NRXN1: variants seen among roughly 807,000 people sequenced by gnomAD.
The protein encoded by NRXN1 is neurexin 1.
A neutral mutation model predicts 150.9 loss-of-function variants in NRXN1; 39 were observed. The ratio of observed to expected loss-of-function variants is 0.26; its 90% CI spans 0.20 to 0.34. NRXN1 has a LOEUF of 0.34. Ranked by LOEUF, NRXN1 falls within the 10% of genes least tolerant of loss-of-function variation. The pLI, the probability that NRXN1 is intolerant of heterozygous loss-of-function variation, is 1.00. For missense variants in NRXN1, 1,815 were observed against 1,949.9 expected, an observed-to-expected ratio of 0.93 and a Z score of 1.30; for synonymous variants, 924 against 757.0, an observed-to-expected ratio of 1.22 and a Z score of -3.62.
At chr2:50,013,206 AAGG>A (rs1558691682) in intron 21 of NRXN1, among the ~76,000 whole-genome samples, 1 of 151,516 alleles carries the variant, frequency 6.6e-6, no homozygotes, top group Non-Finnish European at 1.5e-5. Context: ...CTTCAAGAAG[AAGG>A]AGATTTGTAA....
At chr2:50,036,236 G>T (rs1432863587) in intron 21 of NRXN1, among the ~76,000 whole-genome samples, 1 of 152,222 alleles carries the variant, frequency 6.6e-6, no homozygotes, top group Middle Eastern at 3.4e-3. Context: ...GTTCTCACAA[G>T]ATATGATGGT....
At chr2:51,024,124 G>A (rs1041568421) in intron 2 of NRXN1, among the ~76,000 whole-genome samples, 1 of 152,144 alleles carries the variant, frequency 6.6e-6, no homozygotes, top group African/African-American at 2.4e-5. Flanking sequence ...CTTTCAAGTT[G>A]CTAGGGATCT....
At chr2:50,715,071 CAT>C (rs1695695005) in intron 5 of NRXN1, among the ~76,000 whole-genome samples, 1 of 152,114 alleles carries the variant, frequency 6.6e-6, no homozygotes, top group South Asian at 2.1e-4. Context: ...ATGAATAAGC[CAT>C]TATTCTATGG....
At chr2:50,014,890 A>G (rs1336834254) in intron 21 of NRXN1, among the ~76,000 whole-genome samples, 1 of 152,200 alleles carries the variant, frequency 6.6e-6, no homozygotes, top group Non-Finnish European at 1.5e-5. Flanking sequence ...TATGAAAAAA[A>G]TGGCAGACAT....
At chr2:50,450,770 G>A (rs1250411583) in intron 17 of NRXN1, among the ~76,000 whole-genome samples, 3 of 152,124 alleles carry the variant, frequency 2.0e-5, no homozygotes, top group African/African-American at 7.2e-5. Flanking sequence ...ACACAGTGCA[G>A]GTATCAGCCA....
chr2:50,848,810 G>C (rs144491296), intron 5 of NRXN1, among the ~76,000 whole-genome samples: 73 of 152,264 alleles, frequency 4.8e-4, no homozygotes, highest in African/African-American at 1.6e-3. Context: ...TGGAGGGAAA[G>C]AACTCCAGGG....
intron 21 of NRXN1, among the ~76,000 whole-genome samples, chr2:49,996,627 G>C (rs1035271789): frequency 6.6e-6 from 1 of 152,142 alleles, no homozygotes; most frequent in African/African-American, 2.4e-5. Flanking sequence ...GTCAGAGAGA[G>C]AGCTATACTA....
In NRXN1 at chr2:51,028,141, T is replaced by G. The variant is rs1472275567; in HGVS notation, c.133A>C (p.Lys45Gln). Residue 45 changes from lysine to glutamine, a missense_variant, in exon 2 of 23, where the codon AAG (lysine) becomes CAG (glutamine). Around this residue, in one of 6 missense-constraint regions of NRXN1, gnomAD observed 554 missense variants for 478.8 expected, o/e 1.16. Transcript: ENST00000401669. Reference sequence around the variant, plus strand: ...TCGCTCTCGCAGCAGGCGTTCCACTTGGGGAAGCGCGTCCATTGGCCCTCG... The same window carrying G: ...TCGCTCTCGCAGCAGGCGTTCCACTGGGGGAAGCGCGTCCATTGGCCCTCG... Reference protein sequence around the residue: ...GAEGQWTRFPKWNACCESEMS... With the variant: ...GAEGQWTRFPQWNACCESEMS... 2 of 1,553,870 alleles carry G rather than the reference T, an allele frequency of 1.3e-6. No individual in the cohort carries two copies. The highest frequency in any genetic ancestry group is 1.4e-5 in the African/African-American group (1 of 73,708).
At chr2:50,382,565 T>C (rs544864250) in intron 17 of NRXN1, among the ~76,000 whole-genome samples, 161 of 152,298 alleles carry the variant, frequency 1.1e-3, no homozygotes, top group Admixed American at 5.2e-3. Context: ...TTCTTTGATA[T>C]TTATTAAGTG....
At chr2:50,479,493 T>G (rs927920078) in intron 15 of NRXN1, among the ~76,000 whole-genome samples, 2 of 152,244 alleles carry the variant, frequency 1.3e-5, no homozygotes, top group Admixed American at 6.5e-5. Flanking sequence ...GTGTAAGCCT[T>G]ATGTAACCAT....
chr2:50,650,943 T>C (rs1329368854), intron 5 of NRXN1, among the ~76,000 whole-genome samples: 4 of 152,074 alleles, frequency 2.6e-5, no homozygotes, highest in Non-Finnish European at 5.9e-5. Context: ...GGAATTAACT[T>C]TGAGTAGTAG....
chr2:51,009,026 C>T (rs987671501), intron 2 of NRXN1, among the ~76,000 whole-genome samples: 8 of 151,834 alleles, frequency 5.3e-5, no homozygotes, highest in Non-Finnish European at 2.9e-5. Context: ...CAGCAATGTA[C>T]TATTCTACTA....
chr2:50,934,377 TTC>T (rs1465423771), intron 2 of NRXN1, among the ~76,000 whole-genome samples: 1 of 152,328 alleles, frequency 6.6e-6, no homozygotes, highest in East Asian at 1.9e-4. Context: ...AATTATAAAC[TTC>T]TCTTTTCCTC....
Position 50,827,083 on chromosome 2 carries a change from C to G in NRXN1, c.832+94786G>C, listed in dbSNP as rs550168408. On this transcript the variant is annotated intron_variant, in intron 5 of 22. Coordinates refer to ENST00000401669, the MANE Select transcript of NRXN1 (RefSeq NM_001330078.2). ...AACTGTCAACTTTGTGACTTGCTACCGCTGAGTAAAAAAATGAGGACAGAA... is the reference window on the plus strand; with the variant it reads ...AACTGTCAACTTTGTGACTTGCTACGGCTGAGTAAAAAAATGAGGACAGAA... Among the ~76,000 whole-genome samples the G allele has an allele frequency of 2.0e-5, 3 of 152,202 alleles. No homozygotes were observed. In the South Asian group the frequency reaches 6.2e-4, roughly 32 times the overall value.
At chr2:50,821,292 AT>A (rs1419583652) in intron 5 of NRXN1, among the ~76,000 whole-genome samples, 1 of 152,074 alleles carries the variant, frequency 6.6e-6, no homozygotes, top group African/African-American at 2.4e-5. Context: ...TTTTTGCAAC[AT>A]TTTTTAAGCT....
intron 12 of NRXN1, among the ~76,000 whole-genome samples, chr2:50,525,191 G>T (rs1430177307): frequency 6.6e-6 from 1 of 152,104 alleles, no homozygotes; most frequent in Non-Finnish European, 1.5e-5. Context: ...AATAATTCAC[G>T]TGCTAGTCAC....
At chr2:50,791,215 G>C (rs1430074773) in intron 5 of NRXN1, among the ~76,000 whole-genome samples, 1 of 145,088 alleles carries the variant, frequency 6.9e-6, no homozygotes, top group Non-Finnish European at 1.5e-5. Flanking sequence ...AGCTCCAAGT[G>C]AATGTAAATG....
chr2:50,819,029 T>C (rs1370102406), intron 5 of NRXN1, among the ~76,000 whole-genome samples: 1 of 152,088 alleles, frequency 6.6e-6, no homozygotes, highest in Admixed American at 6.6e-5. Context: ...AAATAACAAC[T>C]GTCAGCAAGG....
At chr2:50,666,599 A>T (rs531469687) in intron 5 of NRXN1, among the ~76,000 whole-genome samples, 18 of 152,022 alleles carry the variant, frequency 1.2e-4, no homozygotes, top group Non-Finnish European at 2.2e-4. Flanking sequence ...ACACTTGGTA[A>T]GGGCATGACA....
Sources: allele counts gnomAD v4.1 joint callset (sites outside exome capture counted in the v4.1 genomes callset), GRCh38; gene constraint gnomAD v4.1.1; regional missense constraint gnomAD v4.1.1; transcripts MANE v1.5; gene names NCBI Gene and HGNC (gene_info 2026-07-23, HGNC 2026-07-21).